The following OSGIN2 variants were observed in gnomAD, a reference collection of about 807,000 sequenced individuals.
OSGIN2 encodes oxidative stress-induced growth inhibitor 2.
Under a neutral mutation model 53.8 loss-of-function variants are expected in OSGIN2, and 19 were observed. That is an observed-to-expected ratio of 0.35 (90% CI 0.25 to 0.52). The LOEUF (loss-of-function observed/expected upper bound fraction) is 0.52. OSGIN2 is among the 20% of genes least tolerant of loss of function. The pLI, the probability that OSGIN2 is intolerant of heterozygous loss-of-function variation, is 0.95. For synonymous variants in OSGIN2, 236 were observed against 236.0 expected (o/e 1.00, Z 0.00); for missense variants, 520 against 662.7 (o/e 0.78, Z 2.36).
In OSGIN2 at chr8:89,915,063, TCA is replaced by T. The variant is rs1809049209; in HGVS notation, c.528+320_528+321del. On this transcript the variant is annotated intron_variant, in intron 4 of 5. Coordinates refer to ENST00000451899, the MANE Select transcript of OSGIN2 (RefSeq NM_001126111.3). The stretch of plus-strand genomic sequence containing the variant: ...AATTCATTTTAGACTTTACATAATC[TCA>T]CATAGTATTTCAAAGCAGTATCCAT... Among the ~76,000 whole-genome samples the T allele has an allele frequency of 4.6e-5, 7 of 152,354 alleles. No individual in the cohort carries two copies. The South Asian group carries it at 1.4e-3, about 32-fold the overall frequency.
chr8:89,921,856 G>A (rs990508488), intron 5 of OSGIN2, among the ~76,000 whole-genome samples: 1 of 152,080 alleles, frequency 6.6e-6, no homozygotes, highest in Non-Finnish European at 1.5e-5. Context: ...GCGCATGCCT[G>A]TAATCCCAGC....
At chr8:89,913,173 G>A (rs1014936730) in intron 2 of OSGIN2, among the ~76,000 whole-genome samples, 4 of 152,102 alleles carry the variant, frequency 2.6e-5, no homozygotes, top group African/African-American at 4.8e-5. Context: ...GCAGAATTCC[G>A]GCACCTCTCA....
At chr8:89,923,899 C>A (rs1809258605) in intron 5 of OSGIN2, among the ~76,000 whole-genome samples, 1 of 144,318 alleles carries the variant, frequency 6.9e-6, no homozygotes, top group Admixed American at 6.8e-5. Flanking sequence ...TTTTTCATAA[C>A]AGTTATGTTT....
Position 89,924,672 on chromosome 8 carries a change from A to G in OSGIN2, c.790A>G (p.Thr264Ala). The change falls in exon 6 of 6, where the codon ACA becomes GCA. Residue 264 changes from threonine (T) to alanine (A), a missense_variant. Thr to Ala is a moderately conservative substitution (Grantham distance 58). Around this residue, in one of 3 missense-constraint regions of OSGIN2, gnomAD observed 78 missense variants for 59.1 expected, o/e 1.32. Coordinates refer to ENST00000451899, the MANE Select transcript of OSGIN2 (RefSeq NM_001126111.3). ...DDDIQDRDIS[T>A]KHLQIEKSNF... Reference sequence around the variant, plus strand: ...TGATATTCAAGACAGAGATATTTCAACAAAGCATTTACAGATAGAGAAGTC... The same window carrying G: ...TGATATTCAAGACAGAGATATTTCAGCAAAGCATTTACAGATAGAGAAGTC... 1 of 1,614,180 alleles carries G rather than the reference A, an allele frequency of 6.2e-7. No individual in the cohort carries two copies. Among genetic ancestry groups the G allele is most frequent in the Non-Finnish European group, 8.5e-7 (1 of 1,179,990 alleles).
Position 89,925,263 on chromosome 8 carries a change from C to A in OSGIN2, c.1381C>A (p.Pro461Thr), listed in dbSNP as rs1809297965. Residue 461 changes from proline to threonine, a missense_variant, in exon 6 of 6, where the codon CCT (proline) becomes ACT (threonine). Transcript: ENST00000451899. ...SAAVVLIGSH[P>T]NLSFLKDQGC... is the part of the protein sequence containing the mutation. ...AGCAGTAGTATTGATAGGTTCTCATCCTAATCTGTCTTTTCTGAAGGATCA... is the reference window on the plus strand; with the variant it reads ...AGCAGTAGTATTGATAGGTTCTCATACTAATCTGTCTTTTCTGAAGGATCA... 1.9e-6 allele frequency: 3 copies of A among 1,614,126 alleles called. No individual in the cohort carries two copies. Among genetic ancestry groups the A allele is most frequent in the Non-Finnish European group, 2.5e-6 (3 of 1,179,984 alleles).
intron 1 of OSGIN2, among the ~76,000 whole-genome samples, chr8:89,903,127 A>G (rs2130683395): frequency 1.3e-5 from 2 of 152,290 alleles, no homozygotes; most frequent in Admixed American, 1.3e-4. Context: ...GAGACTTCCC[A>G]GTAGTGCAAA....
rs769019953 is a variant in OSGIN2, at chr8:89,909,531, A to G, written c.45-36A>G. 18 of 1,197,406 alleles carry G rather than the reference A, an allele frequency of 1.5e-5. No individual in the cohort carries two copies. In the South Asian group the frequency reaches 2.1e-4, roughly 14 times the overall value. 74.2% of individuals were successfully genotyped at this position (1,197,406 alleles called of 1,614,324 possible). ...GATTTTTATAAAGGCTATATTGACTATATCTCTTTTTATTCCCCCTTTTTT... is the reference window on the plus strand; with the variant it reads ...GATTTTTATAAAGGCTATATTGACTGTATCTCTTTTTATTCCCCCTTTTTT... On this transcript the variant is annotated intron_variant, in intron 1 of 5. Transcript: ENST00000451899.
chr8:89,906,022 A>C (rs1165751365), intron 1 of OSGIN2, among the ~76,000 whole-genome samples: 1 of 152,260 alleles, frequency 6.6e-6, no homozygotes, highest in African/African-American at 2.4e-5. Flanking sequence ...TGTTGAGAGA[A>C]ATTAAAGGTC....
chr8:89,903,814 T>C (rs1265249259), intron 1 of OSGIN2, among the ~76,000 whole-genome samples: 5 of 152,240 alleles, frequency 3.3e-5, no homozygotes, highest in Admixed American at 3.3e-4. Context: ...TTTATACTTA[T>C]TCAAAATTAT....
Position 89,925,821 on chromosome 8 carries a change from T to C in OSGIN2, c.*289T>C, listed in dbSNP as rs1809314261. On this transcript the variant is annotated 3_prime_UTR_variant, in exon 6 of 6. Transcript: ENST00000451899. ...CAAAACTTATTTTTCATGATCATTT[T>C]TGGTTATTTATTATACTTGATTCCA... The C allele has an allele frequency of 3.2e-6, 1 of 313,704 alleles. No individual in the cohort carries two copies. Among genetic ancestry groups the C allele is most frequent in the South Asian group, 5.2e-5 (1 of 19,356 alleles). The allele number at this position is 313,704 out of a possible 1,614,324, so 19.4% of individuals were successfully genotyped here.
chr8:89,905,997 C>G (rs1213311732), intron 1 of OSGIN2, among the ~76,000 whole-genome samples: 1 of 152,158 alleles, frequency 6.6e-6, no homozygotes, highest in African/African-American at 2.4e-5. Flanking sequence ...TACTTATGCA[C>G]TGAAAACTAC....
chr8:89,906,640 A>G (rs537574964), intron 1 of OSGIN2, among the ~76,000 whole-genome samples: 7 of 152,172 alleles, frequency 4.6e-5, no homozygotes, highest in African/African-American at 1.4e-4. Context: ...ATAGTATTCT[A>G]TGGTGCATAT....
chr8:89,912,523 TGGTG>T lies in OSGIN2; in HGVS notation c.200-1548_200-1545del, dbSNP rs760834149. ...GTAATCCCAGCACTTGGGGAGGCTG[TGGTG>T]GGTGGATCAAGAGATCAAGACTGTC... On this transcript the variant is annotated intron_variant, in intron 2 of 5. Coordinates refer to ENST00000451899, the MANE Select transcript of OSGIN2 (RefSeq NM_001126111.3). Among the ~76,000 whole-genome samples the T allele has an allele frequency of 3.9e-5, 6 of 152,086 alleles. No individual in the cohort carries two copies. The East Asian group carries it at 1.2e-3, about 29-fold the overall frequency.
intron 4 of OSGIN2, among the ~76,000 whole-genome samples, chr8:89,919,888 A>G (rs1809159795): frequency 6.6e-6 from 1 of 152,198 alleles, no homozygotes. Flanking sequence ...GCATCCTTTA[A>G]TACTACAGTG....
intron 5 of OSGIN2, 95 bp from the exon 6 acceptor site, chr8:89,924,408 T>A (rs1809270784): frequency 2.3e-6 from 2 of 873,596 alleles, no homozygotes; most frequent in South Asian, 1.8e-5. Context: ...TCCAGCAGAA[T>A]TAAAAAGCTA....
In OSGIN2 at chr8:89,903,407, A is replaced by G. The variant is rs980980320; in HGVS notation, c.44+570A>G. ...TATAATACATTTCTAAAATAAAAGT[A>G]TGTTTTCTAGATCTAGCACATTTGG... On this transcript the variant is annotated intron_variant, in intron 1 of 5. Coordinates refer to ENST00000451899, the MANE Select transcript of OSGIN2 (RefSeq NM_001126111.3). Among the ~76,000 whole-genome samples the G allele has an allele frequency of 2.0e-5, 3 of 152,340 alleles. No homozygotes were observed. The East Asian group carries it at 5.8e-4, about 29-fold the overall frequency.
intron 1 of OSGIN2, among the ~76,000 whole-genome samples, chr8:89,908,571 T>C (rs936444852): frequency 2.0e-5 from 3 of 152,148 alleles, no homozygotes; most frequent in Admixed American, 6.5e-5. Context: ...ACTTACCCAC[T>C]AGTAGATACT....
intron 4 of OSGIN2, among the ~76,000 whole-genome samples, chr8:89,915,757 G>C (rs572965899): frequency 1.7e-4 from 26 of 152,256 alleles, no homozygotes; most frequent in African/African-American, 6.3e-4. Context: ...TCGTGTATTA[G>C]TGCAGTTTTG....
At chr8:89,913,493 TTATGTGAATGTAG>T (rs1157664378) in intron 2 of OSGIN2, among the ~76,000 whole-genome samples, 3 of 152,162 alleles carry the variant, frequency 2.0e-5, no homozygotes, top group Non-Finnish European at 2.9e-5. Flanking sequence ...TTACCAAAAC[TTATGTGAATGTAG>T]TATGTGAAAT....
Sources: allele counts gnomAD v4.1 joint callset (sites outside exome capture counted in the v4.1 genomes callset), GRCh38; gene constraint gnomAD v4.1.1; regional missense constraint gnomAD v4.1.1; transcripts MANE v1.5; gene names NCBI Gene and HGNC (gene_info 2026-07-23, HGNC 2026-07-21).